The following GPM6B variants were observed in gnomAD, a reference collection of about 807,000 sequenced individuals.
GPM6B encodes neuronal membrane glycoprotein M6-b.
Under a neutral mutation model 27.2 loss-of-function variants are expected in GPM6B, and 4 were observed. That is an observed-to-expected ratio of 0.15 (90% confidence interval 0.07 to 0.34). GPM6B has a LOEUF of 0.34. Among genes scored for constraint, GPM6B ranks in the 10% least tolerant of loss-of-function variants. The pLI, the probability that GPM6B is intolerant of heterozygous loss-of-function variation, is 1.00. For synonymous variants in GPM6B, 124 were observed against 103.1 expected (o/e 1.20, Z -1.23); for missense variants, 183 against 261.9 (o/e 0.70, Z 2.08).
chrX:13,798,958 A>G (rs893676831), intron 2 of GPM6B, among the ~76,000 whole-genome samples: 2 of 111,993 alleles, frequency 1.8e-5, no homozygotes, highest in Non-Finnish European at 3.8e-5. Context: ...CCTTGGCTGC[A>G]CAGAGGATCA....
rs1491483278 is a variant in GPM6B, at chrX:13,773,953, C to CCT, written c.838-924_838-923insAG. 1.6e-5 allele frequency: 7 copies of CCT among 424,731 alleles called. No individual in the cohort carries two copies. In the African/African-American group the frequency reaches 2.9e-4, roughly 17 times the overall value. 35.0% of individuals were successfully genotyped at this position (424,731 alleles called of 1,213,427 possible). A position where few individuals can be genotyped will look rare whatever the true frequency, so the allele number is the denominator to read the frequency against. ...AAAAAAAACTACCCACATATAAATC[C>CCT]TTTTTTTTTTTTTTTTTTTTTTTTT... is the stretch of plus-strand genomic sequence containing the variant. On this transcript the variant is annotated intron_variant, in intron 7 of 7. Transcript: ENST00000316715.
chrX:13,903,661 C>A (rs1265640647), intron 1 of GPM6B, among the ~76,000 whole-genome samples: 1 of 112,054 alleles, frequency 8.9e-6, no homozygotes, highest in Non-Finnish European at 1.9e-5. Flanking sequence ...CGTTACTCAG[C>A]GCAAGAGAAG....
intron 1 of GPM6B, among the ~76,000 whole-genome samples, chrX:13,885,572 C>T (rs1338222351): frequency 8.9e-6 from 1 of 111,997 alleles, no homozygotes; most frequent in African/African-American, 3.2e-5. Context: ...TACTTCTGGC[C>T]CCTCCTCCTC....
intron 1 of GPM6B, among the ~76,000 whole-genome samples, chrX:13,849,416 T>C (rs1049583054): frequency 8.9e-6 from 1 of 112,818 alleles, no homozygotes; most frequent in Non-Finnish European, 1.9e-5. Context: ...TTACATTCAC[T>C]TGATTCTTTC....
At chrX:13,925,376 C>T in intron 1 of GPM6B, among the ~76,000 whole-genome samples, 1 of 111,213 alleles carries the variant, frequency 9.0e-6, no homozygotes, top group Non-Finnish European at 1.9e-5. Context: ...TTCTGTCACC[C>T]AGGCTGGAGT....
intron 2 of GPM6B, among the ~76,000 whole-genome samples, chrX:13,787,031 A>G (rs1013388840): frequency 6.1e-5 from 5 of 82,359 alleles, no homozygotes; most frequent in Non-Finnish European, 1.2e-4. Context: ...GGGCAAGCAC[A>G]TTAAGCCAGC....
At chrX:13,855,189 T>C (rs1372135981) in intron 1 of GPM6B, among the ~76,000 whole-genome samples, 2 of 111,513 alleles carry the variant, frequency 1.8e-5, no homozygotes, top group Admixed American at 9.5e-5. Context: ...TGGCTAATTT[T>C]TGTATTTTTA....
At chrX:13,842,957 T>C (rs1177815181) in intron 1 of GPM6B, among the ~76,000 whole-genome samples, 2 of 111,605 alleles carry the variant, frequency 1.8e-5, no homozygotes, top group Non-Finnish European at 3.8e-5. Context: ...CAATTCACCA[T>C]TTTAAGTGTA....
intron 1 of GPM6B, among the ~76,000 whole-genome samples, chrX:13,814,891 G>A (rs947666016): frequency 8.9e-6 from 1 of 112,118 alleles, no homozygotes; most frequent in South Asian, 3.7e-4. Context: ...TTCTGGTAGT[G>A]TGATATTTTT....
At chrX:13,880,542 GGTGGGCACCTGTA>G (rs1175478628) in intron 1 of GPM6B, among the ~76,000 whole-genome samples, 1 of 108,721 alleles carries the variant, frequency 9.2e-6, no homozygotes, top group Non-Finnish European at 1.9e-5. Flanking sequence ...CGGGCGTGGT[GGTGGGCACCTGTA>G]GTTCCAGCTA....
At chrX:13,863,830 C>G (rs766903134) in intron 1 of GPM6B, among the ~76,000 whole-genome samples, 5 of 112,418 alleles carry the variant, frequency 4.4e-5, no homozygotes, top group Non-Finnish European at 9.4e-5. Context: ...GAAATAATTT[C>G]TTTTTGGTCC....
At chrX:13,841,098 G>T (rs778443682) in intron 1 of GPM6B, among the ~76,000 whole-genome samples, 3 of 111,339 alleles carry the variant, frequency 2.7e-5, no homozygotes, top group Non-Finnish European at 3.8e-5. Flanking sequence ...GAACGCACAT[G>T]TGCCCACACA....
intron 1 of GPM6B, among the ~76,000 whole-genome samples, chrX:13,868,633 C>T (rs926362992): frequency 8.9e-6 from 1 of 112,258 alleles, no homozygotes; most frequent in African/African-American, 3.2e-5. Context: ...TTTTTCTTTA[C>T]CCCTTGGGTC....
chrX:13,809,117 C>T (rs1338861766), intron 1 of GPM6B, among the ~76,000 whole-genome samples: 2 of 111,432 alleles, frequency 1.8e-5, no homozygotes, highest in Non-Finnish European at 3.8e-5. Flanking sequence ...TCACAACCAC[C>T]CTCTGAAATA....
chrX:13,792,423 A>G (rs1209019415), intron 2 of GPM6B, among the ~76,000 whole-genome samples: 2 of 111,591 alleles, frequency 1.8e-5, no homozygotes, highest in Non-Finnish European at 3.8e-5. Context: ...CAATTTTGCC[A>G]CCCAGGGACA....
chrX:13,795,107 T>C (rs992786233), intron 2 of GPM6B, among the ~76,000 whole-genome samples: 1 of 112,507 alleles, frequency 8.9e-6, no homozygotes, highest in Non-Finnish European at 1.9e-5. Flanking sequence ...ACCAGACTTC[T>C]TGATGAAATT....
chrX:13,849,295 A>T (rs1016298124), intron 1 of GPM6B, among the ~76,000 whole-genome samples: 1 of 112,618 alleles, frequency 8.9e-6, no homozygotes, highest in African/African-American at 3.2e-5. Flanking sequence ...AAGAAGATAG[A>T]ATCATCAGGG....
At chrX:13,879,925 C>T (rs991515770) in intron 1 of GPM6B, among the ~76,000 whole-genome samples, 2 of 111,600 alleles carry the variant, frequency 1.8e-5, no homozygotes, top group Admixed American at 9.5e-5. Flanking sequence ...CTTTGAGAAC[C>T]GCTAGTATAA....
chrX:13,856,692 ATTTT>A (rs113873908), intron 1 of GPM6B, among the ~76,000 whole-genome samples: 3 of 93,240 alleles, frequency 3.2e-5, no homozygotes, highest in African/African-American at 1.1e-4. Flanking sequence ...CTGCACCTTT[ATTTT>A]TTTTTTTATT....
Sources: allele counts gnomAD v4.1 joint callset (sites outside exome capture counted in the v4.1 genomes callset), GRCh38; gene constraint gnomAD v4.1.1; transcripts MANE v1.5; gene names NCBI Gene and HGNC (gene_info 2026-07-23, HGNC 2026-07-21).